CNKSR2: variants seen among roughly 807,000 people sequenced by gnomAD.
CNKSR2 encodes the protein CNK homolog protein 2.
Under a neutral mutation model 84.4 loss-of-function variants are expected in CNKSR2, and 14 were observed. That is an observed-to-expected ratio of 0.17 (90% confidence interval 0.11 to 0.26). CNKSR2 has a LOEUF of 0.26. Among genes scored for constraint, CNKSR2 ranks in the 10% least tolerant of loss-of-function variants. The pLI is 1.00. For missense variants in CNKSR2, 485 were observed against 771.2 expected (o/e 0.63, Z 4.40); for synonymous variants, 275 against 277.9 (o/e 0.99, Z 0.10).
At position 21,490,503 on chromosome X, in the gene CNKSR2, G is replaced by T; in HGVS notation, c.606G>T (p.Ser202=). ...TCTGTGACCACATCATATCCCTGTCGTCAGATCCTCTGGTTTCACAGTCTG... is the reference window on the plus strand; with the variant it reads ...TCTGTGACCACATCATATCCCTGTCTTCAGATCCTCTGGTTTCACAGTCTG... ...SGVCDHIISL[S]SDPLVSQSAH... Residue 202 remains serine, a synonymous_variant, in exon 6 of 22, where the codon TCG becomes TCT. Coordinates refer to ENST00000379510, the MANE Select transcript of CNKSR2 (RefSeq NM_014927.5). The T allele has an allele frequency of 7.5e-6, 9 of 1,207,924 alleles. No homozygotes were observed. Among genetic ancestry groups the T allele is most frequent in the Non-Finnish European group, 1.0e-5 (9 of 892,897 alleles).
At chrX:21,430,782 T>C (rs1219249338) in intron 2 of CNKSR2, among the ~76,000 whole-genome samples, 1 of 111,832 alleles carries the variant, frequency 8.9e-6, no homozygotes, top group Non-Finnish European at 1.9e-5. Flanking sequence ...TTTATAAACA[T>C]AAGAGGATTT....
chrX:21,479,047 C>T (rs918715922), intron 5 of CNKSR2, among the ~76,000 whole-genome samples: 1 of 111,661 alleles, frequency 9.0e-6, no homozygotes, highest in Non-Finnish European at 1.9e-5. Context: ...TTTCTTACCC[C>T]TTACCCCCTC....
At chrX:21,531,794 C>A in intron 10 of CNKSR2, 62 bp from the exon 11 acceptor site, 1 of 762,822 alleles carries the variant, frequency 1.3e-6, no homozygotes, top group Non-Finnish European at 2.0e-6. Context: ...ATTTTAGACC[C>A]TCGGCCATTT....
At chrX:21,378,301 A>G (rs111269537) in intron 1 of CNKSR2, among the ~76,000 whole-genome samples, 51 of 112,027 alleles carry the variant, frequency 4.6e-4, no homozygotes, top group East Asian at 1.9e-3. Context: ...ACCTTCTTCA[A>G]TTGGAAATTG....
intron 20 of CNKSR2, chrX:21,641,984 GA>G (rs2092693127): frequency 1.3e-6 from 1 of 760,545 alleles, no homozygotes; most frequent in African/African-American, 2.3e-5. Flanking sequence ...CTGACACCAG[GA>G]AAAGAGAGGG....
intron 4 of CNKSR2, among the ~76,000 whole-genome samples, chrX:21,442,198 T>A (rs1168730276): frequency 9.1e-6 from 1 of 110,162 alleles, no homozygotes; most frequent in Non-Finnish European, 1.9e-5. Flanking sequence ...TTAAAGAGAT[T>A]TCCGCCCCCC....
At chrX:21,541,204 A>T (rs1471283269) in intron 11 of CNKSR2, among the ~76,000 whole-genome samples, 1 of 110,733 alleles carries the variant, frequency 9.0e-6, no homozygotes, top group Non-Finnish European at 1.9e-5. Context: ...GATGGTCTCG[A>T]TCTCTTGACC....
In CNKSR2 at chrX:21,494,696, T is replaced by C. The variant is rs182963170; in HGVS notation, c.682-3091T>C. On this transcript the variant is annotated intron_variant, in intron 6 of 21. Transcript: ENST00000379510. ...GTGCACAGTAGCTGTACATGCCTGT[T>C]CATATGTTGCATGTCTCTTTAGCAT... The C allele has an allele frequency of 7.2e-5, 8 of 111,533 alleles. No individual in the cohort carries two copies. The East Asian group carries it at 1.7e-3, about 24-fold the overall frequency. The allele number at this position is 111,533 out of a possible 1,213,427, so 9.2% of individuals were successfully genotyped here.
intron 11 of CNKSR2, among the ~76,000 whole-genome samples, chrX:21,553,595 A>G (rs1379223198): frequency 1.8e-5 from 2 of 110,557 alleles, no homozygotes; most frequent in South Asian, 3.8e-4. Flanking sequence ...TGCTGGCTTC[A>G]CTAACAAGTA....
At chrX:21,571,810 G>A in intron 13 of CNKSR2, among the ~76,000 whole-genome samples, 1 of 112,072 alleles carries the variant, frequency 8.9e-6, no homozygotes, top group Non-Finnish European at 1.9e-5. Context: ...AGTTATAAAG[G>A]TTGGTTTGTC....
Position 21,547,156 on chromosome X carries a change from C to A in CNKSR2, c.1304-14315C>A, listed in dbSNP as rs763465535. Among the ~76,000 whole-genome samples the A allele has an allele frequency of 2.7e-5, 3 of 111,080 alleles. No homozygotes were observed. In the South Asian group the frequency reaches 1.2e-3, roughly 43 times the overall value. ...GGCAAATTGGATAAAGAGTCAAGAC[C>A]CGTCAGTGTAGTATACTCAGGAGAC... On this transcript the variant is annotated intron_variant, in intron 11 of 21. Transcript: ENST00000379510.
chrX:21,580,520 A>T (rs5904571), intron 13 of CNKSR2, among the ~76,000 whole-genome samples: 315 of 112,238 alleles, frequency 2.8e-3, no homozygotes, highest in Non-Finnish European at 5.1e-3. Flanking sequence ...TATCAGAGAA[A>T]TCAACCTAAA....
chrX:21,570,818 G>A (rs987958390), intron 13 of CNKSR2, among the ~76,000 whole-genome samples: 7 of 112,057 alleles, frequency 6.2e-5, no homozygotes, highest in Admixed American at 4.7e-4. Flanking sequence ...CATTTATTAA[G>A]TCTGTTGTCT....
At chrX:21,590,236 C>A (rs1025667982) in intron 13 of CNKSR2, among the ~76,000 whole-genome samples, 4 of 111,725 alleles carry the variant, frequency 3.6e-5, no homozygotes, top group African/African-American at 1.3e-4. Context: ...TTGTGAGACT[C>A]AAATGAGATA....
At chrX:21,511,815 T>C (rs1349854097) in intron 8 of CNKSR2, among the ~76,000 whole-genome samples, 1 of 111,496 alleles carries the variant, frequency 9.0e-6, no homozygotes, top group Non-Finnish European at 1.9e-5. Flanking sequence ...TGTACTGAAC[T>C]ACTGAAAGTT....
chrX:21,493,136 G>A (rs573035684), intron 6 of CNKSR2: 2 of 112,103 alleles, frequency 1.8e-5, no homozygotes, highest in South Asian at 7.4e-4. Context: ...GAATTTCTTA[G>A]GTTTAACAGT....
chrX:21,412,123 T>C (rs1029980489), intron 1 of CNKSR2, among the ~76,000 whole-genome samples: 17 of 111,630 alleles, frequency 1.5e-4, no homozygotes, highest in African/African-American at 5.2e-4. Context: ...TCTAAAAATA[T>C]CAGGAGCATT....
chrX:21,554,927 T>C (rs1398148172), intron 11 of CNKSR2, among the ~76,000 whole-genome samples: 2 of 111,451 alleles, frequency 1.8e-5, no homozygotes, highest in African/African-American at 3.3e-5. Flanking sequence ...CCACAATGGC[T>C]GAACCAATTT....
intron 18 of CNKSR2, among the ~76,000 whole-genome samples, chrX:21,604,304 C>T (rs899438592): frequency 9.1e-5 from 10 of 109,374 alleles, no homozygotes; most frequent in Non-Finnish European, 1.5e-4. Context: ...CATCACACAC[C>T]GGGGCCTGCT....
Sources: gnomAD v4.1 joint callset for allele counts (sites outside exome capture counted in the v4.1 genomes callset) on GRCh38, gnomAD v4.1.1 for gene constraint, MANE v1.5 for transcripts, NCBI Gene and HGNC (gene_info 2026-07-23, HGNC 2026-07-21) for gene names.